The following GOLPH3 variants were observed in gnomAD, a reference collection of about 807,000 sequenced individuals.
The protein encoded by GOLPH3 is golgi phosphoprotein 3, also known as coat protein GPP34.
In GOLPH3, 14 loss-of-function variants were observed where a neutral mutation model predicts 28.5. The observed-to-expected ratio is 0.49, with a 90% CI of 0.32 to 0.77. The LOEUF (loss-of-function observed/expected upper bound fraction) is 0.77. Among genes scored for constraint, GOLPH3 ranks in the 30% least tolerant of loss-of-function variants. The pLI is 0.03. For synonymous variants in GOLPH3, 158 were observed against 159.2 expected (o/e 0.99, Z 0.06); for missense variants, 350 against 393.7 (o/e 0.89, Z 0.94).
chr5:32,156,915 A>G (rs765526784), intron 1 of GOLPH3, among the ~76,000 whole-genome samples: 18 of 152,238 alleles, frequency 1.2e-4, no homozygotes, highest in Non-Finnish European at 1.8e-4. Flanking sequence ...GGTATTTTAC[A>G]GCAGCCCAAA....
intron 1 of GOLPH3, among the ~76,000 whole-genome samples, chr5:32,153,846 ACT>A (rs893058858): frequency 3.9e-5 from 6 of 152,176 alleles, no homozygotes; most frequent in Admixed American, 3.3e-4. Flanking sequence ...ACTCAGTAAC[ACT>A]GAGTACACCC....
chr5:32,144,639 T>A (rs1746150366), intron 1 of GOLPH3, among the ~76,000 whole-genome samples: 1 of 152,150 alleles, frequency 6.6e-6, no homozygotes, highest in Non-Finnish European at 1.5e-5. Context: ...AAAACACACA[T>A]GCGCCCACAA....
intron 1 of GOLPH3, among the ~76,000 whole-genome samples, chr5:32,153,419 GAA>G (rs202161839): frequency 1.9e-5 from 2 of 103,276 alleles, no homozygotes; most frequent in Admixed American, 9.9e-5. Flanking sequence ...ACTGAAAACA[GAA>G]AAAAAAAAAA....
At chr5:32,132,095 G>A (rs1040791847) in intron 3 of GOLPH3, among the ~76,000 whole-genome samples, 1 of 152,204 alleles carries the variant, frequency 6.6e-6, no homozygotes, top group Non-Finnish European at 1.5e-5. Context: ...GGTCAAGACT[G>A]CAGTGAGCTG....
rs534760209 is a variant in GOLPH3 at position 32,166,439 on chromosome 5, T to A, written c.225+7371A>T. Among the ~76,000 whole-genome samples, 112 of 152,318 alleles carry A rather than the reference T, an allele frequency of 7.4e-4. 1 individual carries two copies. Among genetic ancestry groups the A allele is most frequent in the African/African-American group, 2.2e-3 (90 of 41,574 alleles). On this transcript the variant is annotated intron_variant, in intron 1 of 3. Coordinates refer to ENST00000265070, the MANE Select transcript of GOLPH3 (RefSeq NM_022130.4). ...CAGGTTGCAGTCTTCCCAGCTTTGATAAGAGAAACCTGAAGCCAAAAACAT... is the reference window on the plus strand; with the variant it reads ...CAGGTTGCAGTCTTCCCAGCTTTGAAAAGAGAAACCTGAAGCCAAAAACAT...
intron 1 of GOLPH3, among the ~76,000 whole-genome samples, chr5:32,148,807 A>G (rs55855394): frequency 1.4e-3 from 209 of 152,088 alleles, no homozygotes; most frequent in African/African-American, 5.0e-3. Context: ...AAAAAAAATA[A>G]AAAATACAAA....
intron 1 of GOLPH3, among the ~76,000 whole-genome samples, chr5:32,144,620 G>A (rs977843838): frequency 6.6e-6 from 1 of 152,188 alleles, no homozygotes; most frequent in Non-Finnish European, 1.5e-5. Context: ...TTTGTAAGAA[G>A]ATATTAGAAA....
At chr5:32,160,476 G>A (rs371490190) in intron 1 of GOLPH3, among the ~76,000 whole-genome samples, 2 of 152,096 alleles carry the variant, frequency 1.3e-5, no homozygotes, top group African/African-American at 4.8e-5. Flanking sequence ...ATATACAAAG[G>A]CATAGAATGA....
At chr5:32,158,009 A>G (rs1305337744) in intron 1 of GOLPH3, among the ~76,000 whole-genome samples, 2 of 91,718 alleles carry the variant, frequency 2.2e-5, no homozygotes, top group Admixed American at 2.6e-4. Flanking sequence ...AAATAAATAA[A>G]TAAATAAATA....
chr5:32,149,402 T>C (rs1746254385), intron 1 of GOLPH3, among the ~76,000 whole-genome samples: 1 of 152,202 alleles, frequency 6.6e-6, no homozygotes, highest in South Asian at 2.1e-4. Context: ...GAGCTTTCTT[T>C]TGGAAGTGAT....
chr5:32,148,554 T>C (rs1276520086), intron 1 of GOLPH3, among the ~76,000 whole-genome samples: 2 of 152,166 alleles, frequency 1.3e-5, no homozygotes, highest in Non-Finnish European at 2.9e-5. Context: ...TCCCAGCACT[T>C]TGGGAGGCCA....
At chr5:32,129,199 A>C (rs1213423798) in intron 3 of GOLPH3, among the ~76,000 whole-genome samples, 1 of 151,866 alleles carries the variant, frequency 6.6e-6, no homozygotes, top group Non-Finnish European at 1.5e-5. Context: ...AAACAAAAAA[A>C]CCCCCAAAAA....
chr5:32,134,563 C>T (rs1745893994), intron 3 of GOLPH3, among the ~76,000 whole-genome samples: 1 of 151,530 alleles, frequency 6.6e-6, no homozygotes, highest in Non-Finnish European at 1.5e-5. Flanking sequence ...GTGGCACACA[C>T]CTGTAGTCTT....
At chr5:32,159,767 A>G (rs956411229) in intron 1 of GOLPH3, among the ~76,000 whole-genome samples, 8 of 152,190 alleles carry the variant, frequency 5.3e-5, no homozygotes, top group Non-Finnish European at 1.2e-4. Flanking sequence ...ACCTAGTAAA[A>G]TATCATCACC....
chr5:32,166,982 CA>C (rs1746730322), intron 1 of GOLPH3, among the ~76,000 whole-genome samples: 1 of 151,562 alleles, frequency 6.6e-6, no homozygotes. Context: ...GGGGAGTTTG[CA>C]AAGACATAAA....
rs560687162 is a variant in GOLPH3 at position 32,134,424 on chromosome 5, G to A, written c.472+1148C>T. Among the ~76,000 whole-genome samples, 7 of 151,536 alleles carry A rather than the reference G, an allele frequency of 4.6e-5. No individual in the cohort carries two copies. In the South Asian group the frequency reaches 1.5e-3, roughly 32 times the overall value. On this transcript the variant is annotated intron_variant, in intron 3 of 3. Coordinates refer to ENST00000265070, the MANE Select transcript of GOLPH3 (RefSeq NM_022130.4). ...GGGTTTCACCAGGTTGCCCAGGCTG[G>A]TCTTGAACTCCTGAGCTCAGGAGAT...
In GOLPH3 at chr5:32,158,023, TACACACACACACACAC is replaced by T. The variant is rs368465798; in HGVS notation, c.226-14159_226-14144del. ...TAAATAAATAAATAAATAAATAAAA[TACACACACACACACAC>T]ACACACACACACACACACACACTGG... On this transcript the variant is annotated intron_variant, in intron 1 of 3. Transcript: ENST00000265070. 3.7e-4 allele frequency among the ~76,000 whole-genome samples: 10 copies of T among 26,760 alleles called. No homozygotes were observed. In the East Asian group the frequency reaches 4.1e-3, roughly 11 times the overall value. 17.6% of individuals were successfully genotyped at this position (26,760 alleles called of 152,430 possible). A position where few individuals can be genotyped will look rare whatever the true frequency, so the allele number is the denominator to read the frequency against.
chr5:32,161,335 T>G (rs545257817), intron 1 of GOLPH3, among the ~76,000 whole-genome samples: 4 of 148,214 alleles, frequency 2.7e-5, no homozygotes, highest in Non-Finnish European at 5.9e-5. Context: ...CCCAGCAAGT[T>G]TGAGGCTGCA....
chr5:32,168,309 G>C (rs1746758525), intron 1 of GOLPH3, among the ~76,000 whole-genome samples: 1 of 152,198 alleles, frequency 6.6e-6, no homozygotes, highest in Admixed American at 6.5e-5. Flanking sequence ...ATACTTCAAA[G>C]TAGTGACCTT....
Sources: gnomAD v4.1 joint callset for allele counts (sites outside exome capture counted in the v4.1 genomes callset) on GRCh38, gnomAD v4.1.1 for gene constraint, MANE v1.5 for transcripts, NCBI Gene and HGNC (gene_info 2026-07-23, HGNC 2026-07-21) for gene names.